Variants in FHAD1 observed in about 807,000 individuals in gnomAD.
The protein encoded by FHAD1 is forkhead associated phosphopeptide binding domain 1, also known as forkhead-associated domain-containing protein 1.
A neutral mutation model predicts 191.3 loss-of-function variants in FHAD1; 146 were observed. The observed-to-expected ratio is 0.76, with a 90% CI of 0.67 to 0.88. FHAD1 has a LOEUF of 0.88. FHAD1 is among the 40% of genes least tolerant of loss of function. FHAD1 has a pLI of 0.00. For synonymous variants in FHAD1, 616 were observed against 672.3 expected (o/e 0.92, Z 1.29); for missense variants, 1,635 against 1,785.8 (o/e 0.92, Z 1.52).
chr1:15,305,850 A>G (rs1433822650), intron 6 of FHAD1: 1 of 400,692 alleles, frequency 2.5e-6, no homozygotes. Flanking sequence ...TTTTCTTCCC[A>G]GTATCGGGTA....
chr1:15,352,906 A>G lies in FHAD1; in HGVS notation c.2484A>G (p.Lys828=), dbSNP rs1453089992. 1.9e-6 allele frequency: 3 copies of G among 1,551,544 alleles called. No homozygotes were observed. The Admixed American group carries it at 5.9e-5, about 30-fold the overall frequency. Residue 828 remains lysine, a synonymous_variant, in exon 20 of 34, where the codon AAA becomes AAG. Transcript: ENST00000688493. The part of the protein sequence containing the change: ...EISESNIAYE[K]RKAKEAMEKE... ...CAGAGAGCAACATTGCGTACGAGAA[A>G]CGCAAAGCAAAGGAGGCCATGGAGA...
chr1:15,394,193 A>AT (rs1334986443), intron 33 of FHAD1, among the ~76,000 whole-genome samples: 9 of 152,016 alleles, frequency 5.9e-5, no homozygotes, highest in African/African-American at 2.2e-4. Flanking sequence ...ATCCTTTGTC[A>AT]TTTCATAAAG....
intron 23 of FHAD1, chr1:15,363,938 ACAGGGTTTTTACCC>A: frequency 2.7e-6 from 1 of 367,356 alleles, no homozygotes; most frequent in African/African-American, 2.1e-5. Flanking sequence ...GTCTAATGTC[ACAGGGTTTTTACCC>A]CAAAAAGACA....
upstream of FHAD1, among the ~76,000 whole-genome samples, chr1:15,246,016 T>C (rs900520042): frequency 1.3e-5 from 2 of 152,232 alleles, no homozygotes; most frequent in Non-Finnish European, 2.9e-5. Flanking sequence ...CTGAATAATT[T>C]ACAAAGAAAA....
At chr1:15,256,470 T>C (rs980068690) in intron 2 of FHAD1, among the ~76,000 whole-genome samples, 5 of 151,888 alleles carry the variant, frequency 3.3e-5, no homozygotes, top group African/African-American at 1.2e-4. Flanking sequence ...CTGGCCATCA[T>C]GGTGAAACCC....
At chr1:15,392,683 G>T (rs2103135404) in intron 33 of FHAD1, among the ~76,000 whole-genome samples, 1 of 152,262 alleles carries the variant, frequency 6.6e-6, no homozygotes, top group African/African-American at 2.4e-5. Flanking sequence ...AGGCTTGCTT[G>T]CTCATAAAAA....
At chr1:15,379,481 G>C (rs1322460971) in intron 28 of FHAD1, among the ~76,000 whole-genome samples, 7 of 152,134 alleles carry the variant, frequency 4.6e-5, no homozygotes, top group African/African-American at 1.7e-4. Flanking sequence ...CCCAGGGACG[G>C]GCAGGAGACA....
Position 15,345,545 on chromosome 1 carries a change from C to A in FHAD1, c.2346+22C>A. ...GGAGGTACGCTCGGGGAGATAGAGT[C>A]GGCTGAGCCCCAGTCGGCTTGAGGG... is the stretch of plus-strand genomic sequence containing the variant. On this transcript the variant is annotated intron_variant, in intron 18 of 33. Coordinates refer to ENST00000688493, the MANE Select transcript of FHAD1 (RefSeq NM_001391957.1). 5 of 1,538,674 alleles carry A rather than the reference C, an allele frequency of 3.2e-6. No homozygotes were observed. In the South Asian group the frequency reaches 3.6e-5, roughly 11 times the overall value.
intron 3 of FHAD1, among the ~76,000 whole-genome samples, chr1:15,277,421 A>G (rs1003263762): frequency 6.6e-6 from 1 of 152,166 alleles, no homozygotes; most frequent in African/African-American, 2.4e-5. Flanking sequence ...CACATTAACC[A>G]CAGGCTCCCT....
In FHAD1 at chr1:15,286,747, A is replaced by G. The variant is rs1043509110; in HGVS notation, c.301-2652A>G. On this transcript the variant is annotated intron_variant, in intron 3 of 33. Transcript: ENST00000688493. Reference sequence around the variant, plus strand: ...GAGAGAGGGAGGGAGATTTACCCACAATCTCCAAAAGATGCTGAGTGGGTT... The same window carrying G: ...GAGAGAGGGAGGGAGATTTACCCACGATCTCCAAAAGATGCTGAGTGGGTT... Among the ~76,000 whole-genome samples the G allele has an allele frequency of 4.6e-5, 7 of 152,172 alleles. No individual in the cohort carries two copies. In the South Asian group the frequency reaches 1.5e-3, roughly 32 times the overall value.
At chr1:15,266,339 G>T (rs1653482433) in intron 2 of FHAD1, among the ~76,000 whole-genome samples, 1 of 151,542 alleles carries the variant, frequency 6.6e-6, no homozygotes, top group Non-Finnish European at 1.5e-5. Context: ...GAACTCCTGG[G>T]TTCAAGCCTC....
At position 15,367,356 on chromosome 1, in the gene FHAD1, C is replaced by G. The variant is rs1011239538; in HGVS notation, c.3155-107C>G. The G allele has an allele frequency of 3.2e-6, 4 of 1,261,398 alleles. No individual in the cohort carries two copies. In the African/African-American group the frequency reaches 6.1e-5, roughly 19 times the overall value. The allele number at this position is 1,261,398 out of a possible 1,614,324, so 78.1% of individuals were successfully genotyped here. ...ACTAAAAATACAAAAATTAGCCAGT[C>G]GTGGTGGCGCATGCCCGTAATCCCA... On this transcript the variant is annotated intron_variant, in intron 24 of 33. Coordinates refer to ENST00000688493, the MANE Select transcript of FHAD1 (RefSeq NM_001391957.1).
chr1:15,257,818 G>T (rs1648991618), intron 2 of FHAD1, among the ~76,000 whole-genome samples: 1 of 152,166 alleles, frequency 6.6e-6, no homozygotes, highest in Non-Finnish European at 1.5e-5. Context: ...CAGTTCAGTG[G>T]CATTAACTGC....
intron 18 of FHAD1, among the ~76,000 whole-genome samples, chr1:15,347,477 T>C (rs1689318833): frequency 5.3e-5 from 8 of 152,318 alleles, no homozygotes; most frequent in Admixed American, 5.2e-4. Context: ...TTTGATTTTC[T>C]TTTTTTCTGT....
intron 3 of FHAD1, 27 bp downstream of exon 3, chr1:15,272,556 G>A (rs775970258): frequency 9.3e-5 from 143 of 1,530,034 alleles, no homozygotes; most frequent in Non-Finnish European, 1.2e-4. Flanking sequence ...GGGGGATAGA[G>A]GGGCCATGTC....
At chr1:15,368,463 C>G (rs923214324) in intron 25 of FHAD1, among the ~76,000 whole-genome samples, 6 of 152,172 alleles carry the variant, frequency 3.9e-5, no homozygotes, top group Non-Finnish European at 5.9e-5. Flanking sequence ...TAAAAATCCC[C>G]GTGAGTTGCA....
chr1:15,368,125 C>T (rs888932741), intron 25 of FHAD1, among the ~76,000 whole-genome samples: 2 of 152,158 alleles, frequency 1.3e-5, no homozygotes, highest in African/African-American at 4.8e-5. Flanking sequence ...GCATGAGCCA[C>T]CAGGCCTGGC....
At chr1:15,251,987 G>A (rs1488854816) in intron 2 of FHAD1, 110 bp downstream of exon 2, 2 of 890,042 alleles carry the variant, frequency 2.2e-6, no homozygotes, top group East Asian at 5.3e-5. Context: ...CACAACCTGG[G>A]CAAGCAGCCA....
At chr1:15,366,576 C>T (rs772687636) in intron 24 of FHAD1, among the ~76,000 whole-genome samples, 2 of 152,200 alleles carry the variant, frequency 1.3e-5, no homozygotes, top group Non-Finnish European at 2.9e-5. Context: ...CTGGGATCTC[C>T]CTGCAGCAGG....
Sources: allele counts gnomAD v4.1 joint callset (sites outside exome capture counted in the v4.1 genomes callset), GRCh38; gene constraint gnomAD v4.1.1; transcripts MANE v1.5; gene names NCBI Gene and HGNC (gene_info 2026-07-23, HGNC 2026-07-21).